Variants in GAPVD1 observed in about 807,000 individuals in gnomAD.
GAPVD1 encodes GTPase activating protein and VPS9 domains 1.
Under a neutral mutation model 155.5 loss-of-function variants are expected in GAPVD1, and 35 were observed. That is an observed-to-expected ratio of 0.23 (90% CI 0.17 to 0.30). The LOEUF (loss-of-function observed/expected upper bound fraction) is 0.30, where lower values mean the gene tolerates loss of function less well. Ranked by LOEUF, GAPVD1 falls within the 10% of genes least tolerant of loss-of-function variation. GAPVD1 has a pLI of 1.00. For synonymous variants in GAPVD1, 636 were observed against 619.7 expected (o/e 1.03, Z -0.39); for missense variants, 1,429 against 1,775.7 (o/e 0.80, Z 3.51).
intron 17 of GAPVD1, among the ~76,000 whole-genome samples, chr9:125,339,901 A>G (rs1847592744): frequency 6.6e-6 from 1 of 152,224 alleles, no homozygotes; most frequent in Non-Finnish European, 1.5e-5. Context: ...TCTCTCTGCT[A>G]GGGTTCTGAT....
At position 125,354,829 on chromosome 9, in the gene GAPVD1, G is replaced by T. The variant is rs888768548; in HGVS notation, c.3745G>T (p.Glu1249Ter). ...LLESKEKKIREFIQDFQKLTA... is the reference protein window; with the variant it reads ...LLESKEKKIR The stretch of plus-strand genomic sequence containing the variant: ...TGAGAGCAAAGAAAAGAAGATCAGG[G>T]AATTCATTCAAGGTAACTCAATACC... The change falls in exon 24 of 28, where the codon GAA becomes TAA. Residue 1249 changes from glutamate to a stop codon, truncating the protein, a stop_gained. Coordinates refer to ENST00000297933, the MANE Select transcript of GAPVD1 (RefSeq NM_001282680.3). LOFTEE classifies it high-confidence loss of function. 6.2e-7 allele frequency: 1 copy of T among 1,611,434 alleles called. No homozygotes were observed.
intron 17 of GAPVD1, among the ~76,000 whole-genome samples, chr9:125,339,363 A>G (rs416340): frequency 0.6 from 91,610 of 152,082 alleles, 29,782 homozygotes; most frequent in African/African-American, 0.87. Context: ...AATTGGGCCA[A>G]TGAGAGCCCC....
At chr9:125,267,443 G>A (rs933531902) in intron 1 of GAPVD1, among the ~76,000 whole-genome samples, 1 of 151,892 alleles carries the variant, frequency 6.6e-6, no homozygotes, top group African/African-American at 2.4e-5. Flanking sequence ...TTTTGAGATG[G>A]AGTTTCACTC....
chr9:125,282,594 G>C (rs1053980775), intron 2 of GAPVD1, among the ~76,000 whole-genome samples: 4 of 152,160 alleles, frequency 2.6e-5, no homozygotes, highest in Non-Finnish European at 5.9e-5. Flanking sequence ...TTATGTGATG[G>C]ATATGGCGTC....
intron 23 of GAPVD1, among the ~76,000 whole-genome samples, chr9:125,352,050 A>G (rs976954647): frequency 1.3e-5 from 2 of 152,092 alleles, no homozygotes; most frequent in African/African-American, 4.8e-5. Context: ...CAGGGTTCCC[A>G]TGGTCTTAGG....
Position 125,344,427 on chromosome 9 carries a change from C to T in GAPVD1, c.3046+2128C>T, listed in dbSNP as rs1019783279. Among the ~76,000 whole-genome samples the T allele has an allele frequency of 5.3e-5, 8 of 152,064 alleles. No homozygotes were observed. The East Asian group carries it at 5.8e-4, about 11-fold the overall frequency. On this transcript the variant is annotated intron_variant, in intron 19 of 27. Coordinates refer to ENST00000297933, the MANE Select transcript of GAPVD1 (RefSeq NM_001282680.3). ...TGTCATGGTTTTACTGCAGTGTAAA[C>T]GTTCTCTTACTAATGGCTATTTAAA...
intron 2 of GAPVD1, among the ~76,000 whole-genome samples, chr9:125,285,694 C>T (rs1040553534): frequency 1.3e-5 from 2 of 152,222 alleles, no homozygotes; most frequent in African/African-American, 4.8e-5. Flanking sequence ...CTCCTGACCT[C>T]AGGTGATCCA....
At chr9:125,340,660 T>G (rs1242577459) in intron 17 of GAPVD1, among the ~76,000 whole-genome samples, 1 of 152,126 alleles carries the variant, frequency 6.6e-6, no homozygotes, top group Admixed American at 6.6e-5. Context: ...CTGCATTTAC[T>G]TTTTTCATAA....
At chr9:125,274,295 G>A (rs1389687250) in intron 2 of GAPVD1, among the ~76,000 whole-genome samples, 1 of 151,872 alleles carries the variant, frequency 6.6e-6, no homozygotes, top group Non-Finnish European at 1.5e-5. Flanking sequence ...TGGGATTACA[G>A]GTGTGAGCCA....
chr9:125,303,983 C>T (rs948232927), intron 5 of GAPVD1: 8 of 152,066 alleles, frequency 5.3e-5, no homozygotes, highest in African/African-American at 1.9e-4. Context: ...CTAATCTTCT[C>T]TGTAGAGTTC....
chr9:125,362,362 G>T (rs1055543362), intron 27 of GAPVD1, among the ~76,000 whole-genome samples: 3 of 152,086 alleles, frequency 2.0e-5, no homozygotes, highest in African/African-American at 7.2e-5. Flanking sequence ...TGAGGTTAAG[G>T]ACTTGCAAGG....
chr9:125,329,116 A>G (rs1845702557), intron 12 of GAPVD1, among the ~76,000 whole-genome samples: 1 of 145,752 alleles, frequency 6.9e-6, no homozygotes, highest in Admixed American at 6.7e-5. Flanking sequence ...GACCGTGGGG[A>G]GAGGGAGAGG....
Position 125,364,933 on chromosome 9 carries a change from T to G in GAPVD1, c.*2187T>G, listed in dbSNP as rs752817158. The stretch of plus-strand genomic sequence containing the variant: ...TTTAACTCATAAACCAATGAGAGAT[T>G]TTTTTTTTCTCTGCAATGGTTGCTA... On this transcript the variant is annotated 3_prime_UTR_variant, in exon 28 of 28. Coordinates refer to ENST00000297933, the MANE Select transcript of GAPVD1 (RefSeq NM_001282680.3). The G allele has an allele frequency of 2.6e-5, 4 of 152,184 alleles. No individual in the cohort carries two copies. The highest frequency in any genetic ancestry group is 4.4e-5 in the Non-Finnish European group (3 of 67,930). 9.4% of individuals were successfully genotyped at this position (152,184 alleles called of 1,614,324 possible). A position where few individuals can be genotyped will look rare whatever the true frequency, so the allele number is the denominator to read the frequency against.
chr9:125,346,776 C>A, intron 19 of GAPVD1, 43 bp from the exon 20 acceptor site: 1 of 1,544,678 alleles, frequency 6.5e-7, no homozygotes, highest in Non-Finnish European at 9.0e-7. Context: ...AGAGGTGGTA[C>A]AAACCCAAGG....
chr9:125,349,964 T>C (rs925226790), intron 21 of GAPVD1, among the ~76,000 whole-genome samples: 1 of 152,100 alleles, frequency 6.6e-6, no homozygotes, highest in African/African-American at 2.4e-5. Flanking sequence ...TGTTGGGAGC[T>C]TCTGACTTCC....
At chr9:125,279,209 TAAA>T (rs200050917) in intron 2 of GAPVD1, among the ~76,000 whole-genome samples, 1 of 130,382 alleles carries the variant, frequency 7.7e-6, no homozygotes, top group Non-Finnish European at 1.6e-5. Context: ...GACTCCATCT[TAAA>T]AAAAAAAAAA....
Position 125,293,543 on chromosome 9 carries a change from G to A in GAPVD1, c.-149-1915G>A, listed in dbSNP as rs569097835. ...CAGTTGACTCTAACCTCTGCCACCCGGGTTCAAGCGATTCTTCTGCTTCAG... is the reference window on the plus strand; with the variant it reads ...CAGTTGACTCTAACCTCTGCCACCCAGGTTCAAGCGATTCTTCTGCTTCAG... On this transcript the variant is annotated intron_variant, in intron 2 of 27. Transcript: ENST00000297933. Among the ~76,000 whole-genome samples, 11 of 142,890 alleles carry A rather than the reference G, an allele frequency of 7.7e-5. No homozygotes were observed. In the South Asian group the frequency reaches 1.7e-3, roughly 23 times the overall value. 93.7% of individuals were successfully genotyped at this position (142,890 alleles called of 152,430 possible).
intron 24 of GAPVD1, 89 bp downstream of exon 24, chr9:125,354,930 C>A: frequency 1.2e-6 from 1 of 847,628 alleles, no homozygotes; most frequent in Non-Finnish European, 1.9e-6. Context: ...CTAGTTTGTT[C>A]AAGTATCTGC....
intron 27 of GAPVD1, among the ~76,000 whole-genome samples, chr9:125,361,478 C>G (rs1000981459): frequency 1.3e-5 from 2 of 150,050 alleles, no homozygotes; most frequent in Non-Finnish European, 3.0e-5. Context: ...GAGCCGAGAT[C>G]ACACTGCTGC....
Sources: allele counts gnomAD v4.1 joint callset (sites outside exome capture counted in the v4.1 genomes callset), GRCh38; gene constraint gnomAD v4.1.1; transcripts MANE v1.5; gene names NCBI Gene and HGNC (gene_info 2026-07-23, HGNC 2026-07-21).